Variants in COG2 observed in about 807,000 individuals in gnomAD.
COG2 encodes conserved oligomeric Golgi complex subunit 2.
A neutral mutation model predicts 90.6 loss-of-function variants in COG2; 52 were observed. The ratio of observed to expected loss-of-function variants is 0.57; its 90% CI spans 0.46 to 0.72. The LOEUF (loss-of-function observed/expected upper bound fraction) is 0.72, where lower values mean the gene tolerates loss of function less well. Among genes scored for constraint, COG2 ranks in the 30% least tolerant of loss-of-function variants. COG2 has a pLI of 0.00. For missense variants in COG2, 829 were observed against 891.2 expected (o/e 0.93, Z 0.89); for synonymous variants, 337 against 320.4 (o/e 1.05, Z -0.55).
intron 1 of COG2, among the ~76,000 whole-genome samples, chr1:230,647,246 G>A (rs1031664342): frequency 4.6e-5 from 7 of 152,188 alleles, no homozygotes; most frequent in East Asian, 1.9e-4. Flanking sequence ...AAAACATAGC[G>A]TATATAGAGT....
intron 3 of COG2, among the ~76,000 whole-genome samples, chr1:230,662,607 G>A (rs1369932005): frequency 2.0e-5 from 3 of 152,100 alleles, no homozygotes; most frequent in African/African-American, 4.8e-5. Flanking sequence ...TACTTAAAAT[G>A]TGTAGAATCT....
chr1:230,662,509 C>A lies in COG2; in HGVS notation c.301-632C>A, dbSNP rs148210648. ...TTCATTAGCTTCTGGACATGTTTCT[C>A]CACTTATGACCTCTCCTTTTCCTTG... On this transcript the variant is annotated intron_variant, in intron 3 of 17. Coordinates refer to ENST00000366669, the MANE Select transcript of COG2 (RefSeq NM_007357.3). Among the ~76,000 whole-genome samples the A allele has an allele frequency of 2.1e-3, 319 of 152,228 alleles. 2 individuals are homozygous for A. The highest frequency in any genetic ancestry group is 7.5e-3 in the African/African-American group (311 of 41,542).
chr1:230,681,140 A>G (rs1337317744), intron 10 of COG2: 2 of 152,186 alleles, frequency 1.3e-5, no homozygotes, highest in African/African-American at 4.8e-5. Flanking sequence ...ACCTACAGGC[A>G]TATTGGAAAG....
At chr1:230,653,781 G>C (rs1305775558) in intron 1 of COG2, among the ~76,000 whole-genome samples, 1 of 152,096 alleles carries the variant, frequency 6.6e-6, no homozygotes, top group Non-Finnish European at 1.5e-5. Flanking sequence ...GTGTCAAAAT[G>C]GGGTGTAGGG....
Position 230,687,086 on chromosome 1 carries a change from C to G in COG2, c.1532C>G (p.Thr511Ser), listed in dbSNP as rs143526339. ...ETKPVVSISRTQLVYVVADLD... is the reference protein window; with the variant it reads ...ETKPVVSISRSQLVYVVADLD... Reference sequence around the variant, plus strand: ...AAGCCTGTGGTTTCCATTTCCCGCACTCAGCTCGTGTATGTGGTTGCAGAC... The same window carrying G: ...AAGCCTGTGGTTTCCATTTCCCGCAGTCAGCTCGTGTATGTGGTTGCAGAC... Residue 511 changes from threonine (T) to serine (S), a missense_variant, in exon 13 of 18, where the codon ACT becomes AGT. By Grantham distance (58) the Thr-to-Ser change is moderately conservative (BLOSUM62 1). Coordinates refer to ENST00000366669, the MANE Select transcript of COG2 (RefSeq NM_007357.3). 5,812 of 1,613,548 alleles carry G rather than the reference C, an allele frequency of 3.6e-3. 8 individuals carry two copies. Among genetic ancestry groups the G allele is most frequent in the Non-Finnish European group, 4.2e-3 (4,977 of 1,179,696 alleles).
rs1177219200 is a variant in COG2, at chr1:230,665,229, G to C, written c.485+642G>C. Among the ~76,000 whole-genome samples the C allele has an allele frequency of 4.6e-5, 7 of 152,280 alleles. No homozygotes were observed. The East Asian group carries it at 1.2e-3, about 25-fold the overall frequency. On this transcript the variant is annotated intron_variant, in intron 5 of 17. Transcript: ENST00000366669. ...GCATGGGCTTATGTTGCATGTACCA[G>C]CTGGGTAGCCTGAGTCAGGTTACTT...
chr1:230,689,712 G>A (rs532744090), intron 15 of COG2, among the ~76,000 whole-genome samples: 1 of 152,204 alleles, frequency 6.6e-6, no homozygotes, highest in Non-Finnish European at 1.5e-5. Context: ...TGGTGTGGAC[G>A]TGAGGCCACG....
chr1:230,665,984 CTG>C (rs1662310458), intron 5 of COG2, among the ~76,000 whole-genome samples: 2 of 152,168 alleles, frequency 1.3e-5, no homozygotes, highest in South Asian at 4.1e-4. Context: ...GTTCTTGGGA[CTG>C]TGCTCTTGAT....
rs773303423 is a variant in COG2 at position 230,690,099 on chromosome 1, A to C, written c.1880A>C (p.Lys627Thr). The C allele has an allele frequency of 1.2e-6, 2 of 1,613,820 alleles. No individual in the cohort carries two copies. Among genetic ancestry groups the C allele is most frequent in the Non-Finnish European group, 1.7e-6 (2 of 1,179,866 alleles). The change falls in exon 16 of 18, where the codon AAA (lysine) becomes ACA (threonine). Residue 627 changes from lysine (K) to threonine (T), a missense_variant. Lys to Thr is a moderately conservative substitution (Grantham distance 78). Transcript: ENST00000366669. ...CAGAGCGGACACAAGGATAAGCTCA[A>C]ACAAGCAATAATTCAGCAGTGGCTA... Reference protein sequence around the residue: ...QLQSGHKDKLKQAIIQQWLEG... With the variant: ...QLQSGHKDKLTQAIIQQWLEG...
intron 8 of COG2, among the ~76,000 whole-genome samples, chr1:230,672,500 C>T (rs12143647): frequency 0.15 from 22,124 of 152,020 alleles, 2,089 homozygotes; most frequent in Admixed American, 0.21. Context: ...AACTGCCTCT[C>T]CACATGAAGC....
At chr1:230,673,024 C>T (rs980175823) in intron 8 of COG2, among the ~76,000 whole-genome samples, 1 of 152,132 alleles carries the variant, frequency 6.6e-6, no homozygotes, top group Non-Finnish European at 1.5e-5. Flanking sequence ...CTCTGTACCA[C>T]CTAAGATGAA....
chr1:230,666,059 C>CT (rs755795433), intron 5 of COG2, among the ~76,000 whole-genome samples: 2 of 152,148 alleles, frequency 1.3e-5, no homozygotes, highest in African/African-American at 4.8e-5. Flanking sequence ...ATGCTGATCT[C>CT]TTTATCTGCA....
chr1:230,646,695 G>A (rs1661793470), intron 1 of COG2, among the ~76,000 whole-genome samples: 1 of 142,984 alleles, frequency 7.0e-6, no homozygotes, highest in Non-Finnish European at 1.6e-5. Flanking sequence ...TTTGTTGGGG[G>A]AAGATGAAAA....
rs751063936 is a variant in COG2, at chr1:230,642,628, C to G, written c.22C>G (p.Leu8Val). ...CGGGATGGAGAAAAGTAGGATGAAC[C>G]TGCCCAAGGGGCCGGACACGCTCTG... The part of the protein sequence containing the change: MEKSRMN[L>V]PKGPDTLCFD... Residue 8 changes from leucine (L) to valine (V), a missense_variant, in exon 1 of 18, where the codon CTG (leucine) becomes GTG (valine). Leu to Val is a conservative substitution (Grantham distance 32). Coordinates refer to ENST00000366669, the MANE Select transcript of COG2 (RefSeq NM_007357.3). 6.2e-7 allele frequency: 1 copy of G among 1,613,172 alleles called. No homozygotes were observed. The highest frequency in any genetic ancestry group is 1.1e-5 in the South Asian group (1 of 90,808).
intron 8 of COG2, among the ~76,000 whole-genome samples, chr1:230,671,919 G>A (rs974694727): frequency 1.3e-5 from 2 of 152,112 alleles, no homozygotes; most frequent in Admixed American, 6.5e-5. Context: ...CCTAAATTTA[G>A]TTTGAAGTCA....
Position 230,659,623 on chromosome 1 carries a change from T to G in COG2, c.232T>G (p.Leu78Val), listed in dbSNP as rs1262476830. ...AGATTTTGTCAATCTTTCAACAAACTTGGTAAACTTTAAATCCACGGTCCC... is the reference window on the plus strand; with the variant it reads ...AGATTTTGTCAATCTTTCAACAAACGTGGTAAACTTTAAATCCACGGTCCC... ...YADFVNLSTN[L>V]VGMDKALNQL... is the part of the protein sequence containing the mutation. The change falls in exon 2 of 18, where the codon TTG (leucine) becomes GTG (valine). Residue 78 changes from leucine to valine, a missense_variant and splice_region_variant. Physicochemically the swap from Leu to Val is conservative, Grantham distance 32. Transcript: ENST00000366669. The G allele has an allele frequency of 3.1e-6, 5 of 1,612,860 alleles. No individual in the cohort carries two copies. The highest frequency in any genetic ancestry group is 4.2e-6 in the Non-Finnish European group (5 of 1,179,562).
chr1:230,651,807 A>G (rs764571232), intron 1 of COG2, among the ~76,000 whole-genome samples: 2 of 152,228 alleles, frequency 1.3e-5, no homozygotes, highest in Non-Finnish European at 2.9e-5. Flanking sequence ...AGTGGGTGCT[A>G]TTCCATTCAG....
chr1:230,683,428 AAG>A (rs1662803463), intron 10 of COG2, 144 bp from the exon 11 acceptor site: 10 of 509,814 alleles, frequency 2.0e-5, no homozygotes, highest in South Asian at 8.1e-5. Context: ...AAAAAAAAAA[AAG>A]CCTGGGAGAA....
intron 3 of COG2, among the ~76,000 whole-genome samples, chr1:230,662,050 TCTCTC>T (rs1203053418): frequency 6.6e-6 from 1 of 151,928 alleles, no homozygotes; most frequent in African/African-American, 2.4e-5. Flanking sequence ...CCTCTCCTCT[TCTCTC>T]CTCTCCAAAT....
Sources: allele counts gnomAD v4.1 joint callset (sites outside exome capture counted in the v4.1 genomes callset), GRCh38; gene constraint gnomAD v4.1.1; transcripts MANE v1.5; gene names NCBI Gene and HGNC (gene_info 2026-07-23, HGNC 2026-07-21).